Variants in USH2A observed in about 807,000 individuals in gnomAD.
The protein encoded by USH2A is Usher syndrome 2A (autosomal recessive, mild).
In USH2A, 443 loss-of-function variants were observed where a neutral mutation model predicts 538.9. That is an observed-to-expected ratio of 0.82 (90% CI 0.76 to 0.89). The LOEUF is 0.89. Among genes scored for constraint, USH2A ranks in the 40% least tolerant of loss-of-function variants. The pLI is 0.00. For missense variants in USH2A, 6,633 were observed against 6,324.8 expected (o/e 1.05, Z -1.65); for synonymous variants, 2,413 against 2,273.5 (o/e 1.06, Z -1.75).
intron 37 of USH2A, among the ~76,000 whole-genome samples, chr1:215,951,912 C>A (rs991879932): frequency 6.6e-6 from 1 of 151,270 alleles, no homozygotes; most frequent in Non-Finnish European, 1.5e-5. Flanking sequence ...GGCTGGACTG[C>A]GGACTGCAGT....
At chr1:215,788,031 A>G (rs78031566) in intron 51 of USH2A, among the ~76,000 whole-genome samples, 10,836 of 151,916 alleles carry the variant, frequency 0.071, 747 homozygotes, top group East Asian at 0.35. Context: ...CTATATATAT[A>G]TGTGTGTGTG....
chr1:216,414,533 A>C (rs2039545975), intron 3 of USH2A, among the ~76,000 whole-genome samples: 1 of 152,032 alleles, frequency 6.6e-6, no homozygotes, highest in Non-Finnish European at 1.5e-5. Flanking sequence ...TGATTTTGGT[A>C]AATTAGAATT....
chr1:215,686,994 C>T (rs1001337205), intron 61 of USH2A, among the ~76,000 whole-genome samples: 3 of 152,016 alleles, frequency 2.0e-5, no homozygotes, highest in Non-Finnish European at 2.9e-5. Flanking sequence ...CAGAACCATG[C>T]CTTCCTGAAG....
intron 11 of USH2A, among the ~76,000 whole-genome samples, chr1:216,264,204 T>C (rs187292301): frequency 2.2e-4 from 33 of 152,226 alleles, no homozygotes; most frequent in African/African-American, 7.7e-4. Flanking sequence ...AGATTCAATA[T>C]GATTCCTATC....
At chr1:216,036,761 G>A (rs1271385129) in intron 32 of USH2A, among the ~76,000 whole-genome samples, 1 of 152,030 alleles carries the variant, frequency 6.6e-6, no homozygotes. Context: ...TGGCTTTCTG[G>A]AAGACAGGAA....
At chr1:215,709,477 A>G (rs1659274758) in intron 61 of USH2A, among the ~76,000 whole-genome samples, 1 of 151,672 alleles carries the variant, frequency 6.6e-6, no homozygotes, top group South Asian at 2.1e-4. Flanking sequence ...TAAGAAGAAA[A>G]ACAGAGCAAA....
chr1:215,631,022 T>C (rs1656266533), intron 70 of USH2A, among the ~76,000 whole-genome samples: 1 of 152,202 alleles, frequency 6.6e-6, no homozygotes, highest in Non-Finnish European at 1.5e-5. Context: ...GTATACTGTA[T>C]GGTCTTGAAA....
chr1:216,340,647 C>T (rs2038059833), intron 4 of USH2A, among the ~76,000 whole-genome samples: 1 of 152,004 alleles, frequency 6.6e-6, no homozygotes, highest in Non-Finnish European at 1.5e-5. Flanking sequence ...TCCTTATCCA[C>T]CACGACCAAG....
chr1:216,301,762 T>C (rs187305708), intron 9 of USH2A, among the ~76,000 whole-genome samples: 4 of 152,126 alleles, frequency 2.6e-5, no homozygotes, highest in Admixed American at 2.6e-4. Context: ...ATAAAAGAGG[T>C]AATTTTTTTA....
intron 22 of USH2A, among the ~76,000 whole-genome samples, chr1:216,093,089 C>T (rs1247597332): frequency 2.6e-5 from 4 of 152,056 alleles, no homozygotes; most frequent in Admixed American, 2.0e-4. Context: ...CTCAGTCTCC[C>T]GAGTAGCGGG....
At chr1:216,179,124 A>G (rs1430559892) in intron 20 of USH2A, among the ~76,000 whole-genome samples, 1 of 152,094 alleles carries the variant, frequency 6.6e-6, no homozygotes, top group Non-Finnish European at 1.5e-5. Flanking sequence ...CTCAATGGAG[A>G]TAATGTTGAA....
At chr1:215,947,596 G>T (rs78123764) in intron 37 of USH2A, among the ~76,000 whole-genome samples, 4,883 of 152,192 alleles carry the variant, frequency 0.032, 124 homozygotes, top group South Asian at 0.084. Context: ...ATTCACAGAA[G>T]GCACAGATTC....
At chr1:215,984,233 A>G (rs1667819265) in intron 35 of USH2A, among the ~76,000 whole-genome samples, 1 of 152,228 alleles carries the variant, frequency 6.6e-6, no homozygotes, top group Non-Finnish European at 1.5e-5. Context: ...ATATTGTACC[A>G]TATTGTATTT....
At chr1:216,338,068 A>G (rs901126467) in intron 4 of USH2A, among the ~76,000 whole-genome samples, 11 of 151,426 alleles carry the variant, frequency 7.3e-5, no homozygotes, top group African/African-American at 2.4e-4. Flanking sequence ...AAAAATCAGC[A>G]TAACAATATA....
At chr1:216,002,088 T>A (rs1668277203) in intron 32 of USH2A, among the ~76,000 whole-genome samples, 1 of 152,080 alleles carries the variant, frequency 6.6e-6, no homozygotes. Context: ...GCAGCAACAG[T>A]CGCACTATAG....
At position 215,808,237 on chromosome 1, in the gene USH2A, G is replaced by A. The variant is rs1380144901; in HGVS notation, c.9739+5499C>T. ...TTGTAATTTTAATGGAAATATATTT[G>A]CTATCTTACTGTTCTACTAACATAT... On this transcript the variant is annotated intron_variant, in intron 49 of 71. Coordinates refer to ENST00000307340, the MANE Select transcript of USH2A (RefSeq NM_206933.4). 3.3e-5 allele frequency among the ~76,000 whole-genome samples: 5 copies of A among 152,000 alleles called. No homozygotes were observed. The East Asian group carries it at 9.6e-4, about 29-fold the overall frequency.
At chr1:215,731,254 G>A (rs1659986930) in intron 60 of USH2A, among the ~76,000 whole-genome samples, 1 of 152,266 alleles carries the variant, frequency 6.6e-6, no homozygotes, top group East Asian at 1.9e-4. Context: ...AAAAGGTGCA[G>A]CCTGGTTAAG....
In USH2A at chr1:215,888,711, G is replaced by C. The variant is rs772771795; in HGVS notation, c.7938C>G (p.Pro2646=). 1 of 1,614,118 alleles carries C rather than the reference G, an allele frequency of 6.2e-7. No individual in the cohort carries two copies. Among genetic ancestry groups the C allele is most frequent in the South Asian group, 1.1e-5 (1 of 91,078 alleles). The stretch of plus-strand genomic sequence containing the variant: ...CCACCAAGCCATTGGGGTGGGTAGG[G>C]GGTTGCCAAGATATAATCACAGATG... ...TPTSVIISWQ[P]PTHPNGLVEN... Residue 2646 remains proline, a synonymous_variant, in exon 41 of 72, where the codon CCC becomes CCG. Transcript: ENST00000307340.
chr1:216,335,182 C>G (rs555399618), intron 4 of USH2A, among the ~76,000 whole-genome samples: 2 of 151,422 alleles, frequency 1.3e-5, no homozygotes, highest in South Asian at 4.2e-4. Context: ...GAAAATTAAC[C>G]CATTCCTAAT....
Sources: gnomAD v4.1 joint callset for allele counts (sites outside exome capture counted in the v4.1 genomes callset) on GRCh38, gnomAD v4.1.1 for gene constraint, MANE v1.5 for transcripts, NCBI Gene and HGNC (gene_info 2026-07-23, HGNC 2026-07-21) for gene names.